WASHC5: variants seen among roughly 807,000 people sequenced by gnomAD.
WASHC5 encodes WASH complex subunit strumpellin.
In WASHC5, 101 loss-of-function variants were observed where a neutral mutation model predicts 150.4. That is an observed-to-expected ratio of 0.67 (90% CI 0.57 to 0.79). The LOEUF is 0.79. Among genes scored for constraint, WASHC5 ranks in the 30% least tolerant of loss-of-function variants. WASHC5 has a pLI of 0.00. For missense variants in WASHC5, 1,195 were observed against 1,396.3 expected (o/e 0.86, Z 2.30); for synonymous variants, 467 against 491.2 (o/e 0.95, Z 0.65).
At chr8:125,067,780 A>T in intron 9 of WASHC5, 61 bp from the exon 10 acceptor site, 1 of 1,535,436 alleles carries the variant, frequency 6.5e-7, no homozygotes, top group South Asian at 1.1e-5. Context: ...ATGAAATAAG[A>T]TAAATTATTA....
At chr8:125,061,365 A>G (rs1423988901) in intron 11 of WASHC5, among the ~76,000 whole-genome samples, 171 bp from the exon 12 acceptor site, 1 of 152,234 alleles carries the variant, frequency 6.6e-6, no homozygotes, top group Non-Finnish European at 1.5e-5. Flanking sequence ...ACATAGTAGA[A>G]TAAACTTTCT....
At chr8:125,035,076 A>C (rs749746901) in intron 26 of WASHC5, among the ~76,000 whole-genome samples, 2 of 152,242 alleles carry the variant, frequency 1.3e-5, no homozygotes, top group African/African-American at 4.8e-5. Flanking sequence ...GTCTAGAGAT[A>C]GTCTCACCCT....
At chr8:125,047,369 A>G in intron 19 of WASHC5, 38 bp from the exon 20 acceptor site, 1 of 1,595,270 alleles carries the variant, frequency 6.3e-7, no homozygotes, top group Non-Finnish European at 8.6e-7. Context: ...TAAACCTTTG[A>G]TAAGATAACC....
chr8:125,060,855 TG>T (rs1563623832), intron 12 of WASHC5, among the ~76,000 whole-genome samples: 1 of 152,234 alleles, frequency 6.6e-6, no homozygotes, highest in Non-Finnish European at 1.5e-5. Flanking sequence ...TAAGATTACA[TG>T]TTTCCTCAAG....
chr8:125,071,992 A>G (rs1816909419), intron 9 of WASHC5, among the ~76,000 whole-genome samples: 1 of 152,038 alleles, frequency 6.6e-6, no homozygotes, highest in Non-Finnish European at 1.5e-5. Flanking sequence ...TTTTTGTCAC[A>G]ATGCTATCTC....
At chr8:125,088,812 G>T (rs2130244623) in intron 1 of WASHC5, among the ~76,000 whole-genome samples, 1 of 152,216 alleles carries the variant, frequency 6.6e-6, no homozygotes, top group South Asian at 2.1e-4. Context: ...CTGGGTTCTG[G>T]CATAGTTTAT....
At chr8:125,033,008 T>C (rs534672191) in intron 26 of WASHC5, among the ~76,000 whole-genome samples, 1 of 152,026 alleles carries the variant, frequency 6.6e-6, no homozygotes, top group Admixed American at 6.6e-5. Context: ...TCACAGCACA[T>C]TATAGCCTTG....
intron 1 of WASHC5, among the ~76,000 whole-genome samples, chr8:125,087,151 AT>A (rs967186895): frequency 3.8e-4 from 58 of 152,224 alleles, no homozygotes; most frequent in Admixed American, 3.8e-3. Context: ...CAAGTTGTCA[AT>A]TTAAACAGCA....
chr8:125,083,047 G>C lies in WASHC5; in HGVS notation c.332+66C>G, dbSNP rs1456110941. 1.3e-5 allele frequency: 13 copies of C among 1,034,124 alleles called. No individual in the cohort carries two copies. The South Asian group carries it at 1.7e-4, about 14-fold the overall frequency. The allele number at this position is 1,034,124 out of a possible 1,614,324, so 64.1% of individuals were successfully genotyped here. ...AGTAACTCAGAGAGATTTACACGTT[G>C]CTATGTGTCCTTTTCCCTCTCCACT... is the stretch of plus-strand genomic sequence containing the variant. On this transcript the variant is annotated intron_variant, in intron 3 of 28. Coordinates refer to ENST00000318410, the MANE Select transcript of WASHC5 (RefSeq NM_014846.4).
chr8:125,044,215 C>T, intron 21 of WASHC5, 121 bp from the exon 22 acceptor site: 1 of 752,000 alleles, frequency 1.3e-6, no homozygotes, highest in Non-Finnish European at 2.3e-6. Context: ...AACCTCTAAA[C>T]AGGATGACAG....
Position 125,063,616 on chromosome 8 carries a change from T to C in WASHC5, c.1314A>G (p.Lys438=). Reference sequence around the variant, plus strand: ...AACCCTCTTTCTTGTAATGCTCCCATTTGGTTTGCTTTTCTGAAAGCATTT... The same window carrying C: ...AACCCTCTTTCTTGTAATGCTCCCACTTGGTTTGCTTTTCTGAAAGCATTT... ...FKQMLSEKQT[K]WEHYKKEGSE... The change falls in exon 11 of 29, where the codon AAA becomes AAG. Residue 438 remains lysine, a synonymous_variant. Transcript: ENST00000318410. The C allele has an allele frequency of 6.2e-7, 1 of 1,613,748 alleles. No individual in the cohort carries two copies. The highest frequency in any genetic ancestry group is 8.5e-7 in the Non-Finnish European group (1 of 1,179,704).
At chr8:125,029,219 G>C (rs1214617950) in intron 27 of WASHC5, among the ~76,000 whole-genome samples, 2 of 152,114 alleles carry the variant, frequency 1.3e-5, no homozygotes, top group Non-Finnish European at 2.9e-5. Flanking sequence ...TTTTAGTAGA[G>C]ACGGGGTTTC....
chr8:125,079,760 C>T (rs991506348), intron 5 of WASHC5, among the ~76,000 whole-genome samples: 26 of 152,018 alleles, frequency 1.7e-4, no homozygotes, highest in Non-Finnish European at 2.8e-4. Context: ...TATATATAGC[C>T]TCACACCTAT....
intron 23 of WASHC5, among the ~76,000 whole-genome samples, chr8:125,042,944 T>C (rs1815938804): frequency 6.6e-6 from 1 of 152,222 alleles, no homozygotes; most frequent in African/African-American, 2.4e-5. Flanking sequence ...GCTGTCTCAA[T>C]GAGAAACTTA....
chr8:125,090,353 A>G (rs1316384148), intron 1 of WASHC5, among the ~76,000 whole-genome samples: 1 of 152,240 alleles, frequency 6.6e-6, no homozygotes, highest in Non-Finnish European at 1.5e-5. Flanking sequence ...CAAAGTGTTA[A>G]GACTCAGCTA....
chr8:125,044,088 G>A lies in WASHC5; in HGVS notation c.2674C>T (p.Leu892Phe). 6.2e-7 allele frequency: 1 copy of A among 1,606,978 alleles called. No individual in the cohort carries two copies. The highest frequency in any genetic ancestry group is 8.5e-7 in the Non-Finnish European group (1 of 1,173,620). Reference sequence around the variant, plus strand: ...AGGATAATTTTCTGAAACATACTGAGGAAATTCTAAAAACAAGAAGGCACG... The same window carrying A: ...AGGATAATTTTCTGAAACATACTGAAGAAATTCTAAAAACAAGAAGGCACG... ...FMIVKELQNF[L>F]SMFQKIILRD... Residue 892 changes from leucine (L) to phenylalanine (F), a missense_variant, in exon 22 of 29, where the codon CTC becomes TTC. Coordinates refer to ENST00000318410, the MANE Select transcript of WASHC5 (RefSeq NM_014846.4).
chr8:125,038,140 C>T (rs943953360), intron 25 of WASHC5, among the ~76,000 whole-genome samples: 1 of 152,160 alleles, frequency 6.6e-6, no homozygotes, highest in African/African-American at 2.4e-5. Context: ...AAGACATTAG[C>T]TACTATTCAG....
intron 23 of WASHC5, among the ~76,000 whole-genome samples, chr8:125,040,995 A>C (rs542162402): frequency 6.6e-6 from 1 of 152,370 alleles, no homozygotes; most frequent in East Asian, 1.9e-4. Flanking sequence ...TTCAAAGAAC[A>C]AATCTGTGAT....
At chr8:125,084,101 C>T in intron 1 of WASHC5, 79 bp from the exon 2 acceptor site, 1 of 567,754 alleles carries the variant, frequency 1.8e-6, no homozygotes. Flanking sequence ...ACATTTTTCT[C>T]CCAAACTCAC....
Sources: allele counts gnomAD v4.1 joint callset (sites outside exome capture counted in the v4.1 genomes callset), GRCh38; gene constraint gnomAD v4.1.1; transcripts MANE v1.5; gene names NCBI Gene and HGNC (gene_info 2026-07-23, HGNC 2026-07-21).